MAEL: variants seen among roughly 807,000 people sequenced by gnomAD.
MAEL encodes protein maelstrom homolog.
MAEL carries 46 observed loss-of-function variants against 62.0 expected under a neutral mutation model. The ratio of observed to expected loss-of-function variants is 0.74; its 90% CI spans 0.59 to 0.95. The LOEUF (loss-of-function observed/expected upper bound fraction) is 0.95. MAEL is among the 40% of genes least tolerant of loss of function. The pLI, the probability that MAEL is intolerant of heterozygous loss-of-function variation, is 0.00. For missense variants in MAEL, 497 were observed against 526.8 expected (o/e 0.94, Z 0.55); for synonymous variants, 172 against 175.5 (o/e 0.98, Z 0.16).
intron 3 of MAEL, among the ~76,000 whole-genome samples, 199 bp downstream of exon 3, chr1:166,991,676 A>T (rs996657766): frequency 6.6e-6 from 1 of 152,124 alleles, no homozygotes; most frequent in Non-Finnish European, 1.5e-5. Context: ...TTTTTTTAAC[A>T]AAAATCTGTT....
chr1:167,018,663 A>T (rs1665495925), intron 10 of MAEL, among the ~76,000 whole-genome samples: 1 of 152,198 alleles, frequency 6.6e-6, no homozygotes, highest in Non-Finnish European at 1.5e-5. Flanking sequence ...TGAAAAGGAA[A>T]CTCAAAAAAT....
At chr1:167,007,316 T>G (rs1479317874) in intron 8 of MAEL, among the ~76,000 whole-genome samples, 3 of 152,192 alleles carry the variant, frequency 2.0e-5, no homozygotes, top group Non-Finnish European at 4.4e-5. Context: ...CCTTTTGACA[T>G]TGCTTCATTG....
chr1:167,016,385 TC>T, intron 9 of MAEL, 101 bp downstream of exon 9: 1 of 1,023,922 alleles, frequency 9.8e-7, no homozygotes, highest in Non-Finnish European at 1.5e-6. Context: ...TAACTCTGTT[TC>T]CACAATGCTC....
chr1:167,007,557 T>TTGTGTGTGTGTGTGTGTG (rs71073634), intron 8 of MAEL, among the ~76,000 whole-genome samples: 1 of 128,410 alleles, frequency 7.8e-6, no homozygotes, highest in African/African-American at 3.3e-5. Context: ...AAATATATGT[T>TTGTGTGTGTGTGTGTGTG]TGTGTGTGTG....
rs1458021227 is a variant in MAEL at position 166,989,820 on chromosome 1, A to C, written c.216A>C (p.Ser72=). Reference sequence around the variant, plus strand: ...CTCAGGGAAAGGACCCTGGGCCCTCAGAGAAGCAGGTAAAGTTAACGAGAG... The same window carrying C: ...CTCAGGGAAAGGACCCTGGGCCCTCCGAGAAGCAGGTAAAGTTAACGAGAG... ...RAAQGKDPGP[S]EKQKPVFTPL... is the part of the protein sequence containing the mutation. Residue 72 remains serine (S), a synonymous_variant, in exon 2 of 12, where the codon TCA becomes TCC. Transcript: ENST00000367872. 7 of 1,611,928 alleles carry C rather than the reference A, an allele frequency of 4.3e-6. No individual in the cohort carries two copies. The highest frequency in any genetic ancestry group is 5.9e-6 in the Non-Finnish European group (7 of 1,179,466).
intron 8 of MAEL, among the ~76,000 whole-genome samples, chr1:167,014,722 AC>A (rs1665313000): frequency 6.6e-6 from 1 of 152,112 alleles, no homozygotes; most frequent in Non-Finnish European, 1.5e-5. Flanking sequence ...CTGAATAGTG[AC>A]TCAGAGAAAT....
Position 167,021,866 on chromosome 1 carries a change from CTT to C in MAEL, c.*14_*15del, listed in dbSNP as rs1192536335. 8.9e-6 allele frequency: 14 copies of C among 1,575,630 alleles called. No homozygotes were observed. Among genetic ancestry groups the C allele is most frequent in the Admixed American group, 1.8e-5 (1 of 56,838 alleles). ...TCTTCCTTATCTTAATGATGGTACT[CTT>C]TTCAATTTCTGAAAACAGTAACAGG... On this transcript the variant is annotated 3_prime_UTR_variant, in exon 12 of 12. Transcript: ENST00000367872.
chr1:166,993,843 A>G (rs1039038662), intron 4 of MAEL, among the ~76,000 whole-genome samples, 185 bp from the exon 5 acceptor site: 3 of 152,174 alleles, frequency 2.0e-5, no homozygotes, highest in Non-Finnish European at 4.4e-5. Flanking sequence ...TAGACAATAT[A>G]CCAAATTCTT....
At chr1:166,989,611 G>T in intron 1 of MAEL, 126 bp from the exon 2 acceptor site, 1 of 1,472,838 alleles carries the variant, frequency 6.8e-7, no homozygotes, top group Non-Finnish European at 9.2e-7. Flanking sequence ...GAAGGCCCCC[G>T]TTTGTGGCCC....
rs1254170460 is a variant in MAEL at position 166,993,991 on chromosome 1, A to C, written c.482-37A>C. The C allele has an allele frequency of 2.5e-6, 4 of 1,590,812 alleles. No individual in the cohort carries two copies. The Admixed American group carries it at 5.1e-5, about 20-fold the overall frequency. On this transcript the variant is annotated intron_variant, in intron 4 of 11. Transcript: ENST00000367872. ...ATTACTGTAGCACTAGAGAACTTTAAAATTTTTGCTTCTCAACAAGATATT... is the reference window on the plus strand; with the variant it reads ...ATTACTGTAGCACTAGAGAACTTTACAATTTTTGCTTCTCAACAAGATATT...
chr1:166,998,360 A>G (rs1029738128), intron 5 of MAEL, among the ~76,000 whole-genome samples: 3 of 152,308 alleles, frequency 2.0e-5, no homozygotes, highest in East Asian at 3.9e-4. Flanking sequence ...ATAGTTTATC[A>G]TGCCTTTTGT....
chr1:167,017,756 A>G, intron 9 of MAEL, 71 bp from the exon 10 acceptor site: 1 of 1,426,864 alleles, frequency 7.0e-7, no homozygotes, highest in Middle Eastern at 1.9e-4. Context: ...TTTGTTAGAG[A>G]TTTTAAAATA....
Position 167,021,982 on chromosome 1 carries a change from A to G in MAEL, c.*127A>G, listed in dbSNP as rs1281095513. 2 of 648,772 alleles carry G rather than the reference A, an allele frequency of 3.1e-6. No individual in the cohort carries two copies. The highest frequency in any genetic ancestry group is 3.6e-5 in the Admixed American group (1 of 27,832). The allele number at this position is 648,772 out of a possible 1,614,324, so 40.2% of individuals were successfully genotyped here. On this transcript the variant is annotated 3_prime_UTR_variant, in exon 12 of 12. Transcript: ENST00000367872. ...TAAAAACTACTTAATTTGTAAGGAA[A>G]TTGTTTCATAGATTTAAAAAAATTG...
chr1:166,992,959 G>A (rs962814586), intron 4 of MAEL, 118 bp downstream of exon 4: 1 of 823,828 alleles, frequency 1.2e-6, no homozygotes, highest in Non-Finnish European at 1.8e-6. Context: ...TGTTCTTAAT[G>A]TAACAAGACT....
intron 11 of MAEL, 71 bp from the exon 12 acceptor site, chr1:167,021,597 A>T: frequency 1.9e-6 from 2 of 1,048,560 alleles, no homozygotes; most frequent in South Asian, 1.7e-5. Flanking sequence ...TGAGTCAGTT[A>T]ATTGAGGCAT....
At chr1:167,010,374 GT>G (rs1436120053) in intron 8 of MAEL, among the ~76,000 whole-genome samples, 3 of 151,088 alleles carry the variant, frequency 2.0e-5, no homozygotes, top group Non-Finnish European at 4.4e-5. Flanking sequence ...CCTCCTTCAT[GT>G]TTTTTTGGGG....
At chr1:166,977,922 G>C (rs1663643727) in intron 1 of MAEL, among the ~76,000 whole-genome samples, 1 of 151,860 alleles carries the variant, frequency 6.6e-6, no homozygotes, top group African/African-American at 2.4e-5. Flanking sequence ...CTGGACTCCA[G>C]CCTGGGTGAC....
chr1:166,994,694 G>A (rs868090990), intron 5 of MAEL, among the ~76,000 whole-genome samples: 163 of 133,290 alleles, frequency 1.2e-3, no homozygotes, highest in African/African-American at 4.6e-3. Context: ...TTTTTGAGAC[G>A]GAGCCTTGCT....
rs967524482 is a variant in MAEL at position 167,017,947 on chromosome 1, A to G, written c.1029A>G (p.Ala343=). Residue 343 remains alanine (A), a synonymous_variant, in exon 10 of 12, where the codon GCA becomes GCG. Coordinates refer to ENST00000367872, the MANE Select transcript of MAEL (RefSeq NM_032858.3). The part of the protein sequence containing the change: ...SVTPKMVVLD[A]GRYQKLRVGS... ...CACCCAAAATGGTTGTATTGGATGCAGGGCGTTACCAGGTAAGGAACTGAC... is the reference window on the plus strand; with the variant it reads ...CACCCAAAATGGTTGTATTGGATGCGGGGCGTTACCAGGTAAGGAACTGAC... 1.4e-5 allele frequency: 22 copies of G among 1,612,938 alleles called. No homozygotes were observed. The highest frequency in any genetic ancestry group is 1.7e-5 in the Non-Finnish European group (20 of 1,179,352).
Sources: gnomAD v4.1 joint callset for allele counts (sites outside exome capture counted in the v4.1 genomes callset) on GRCh38, gnomAD v4.1.1 for gene constraint, MANE v1.5 for transcripts, NCBI Gene and HGNC (gene_info 2026-07-23, HGNC 2026-07-21) for gene names.